GSS: variants seen among roughly 807,000 people sequenced by gnomAD.
GSS encodes GSH synthetase.
In GSS, 34 loss-of-function variants were observed where a neutral mutation model predicts 60.4. That is an observed-to-expected ratio of 0.56 (90% CI 0.43 to 0.75). The LOEUF (loss-of-function observed/expected upper bound fraction) is 0.75, where lower values mean the gene tolerates loss of function less well. Among genes scored for constraint, GSS ranks in the 30% least tolerant of loss-of-function variants. The pLI is 0.00. For synonymous variants in GSS, 224 were observed against 239.0 expected, an observed-to-expected ratio of 0.94 and a Z score of 0.58; for missense variants, 499 against 595.1, an observed-to-expected ratio of 0.84 and a Z score of 1.68.
intron 11 of GSS, 38 bp downstream of exon 11, chr20:34,931,298 C>T (rs756534564): frequency 1.3e-6 from 2 of 1,494,952 alleles, no homozygotes; most frequent in South Asian, 1.1e-5. Flanking sequence ...CTGCTAGTCC[C>T]TCTCATTGAG....
chr20:34,942,248 T>C (rs563392472), intron 5 of GSS, among the ~76,000 whole-genome samples: 7 of 152,142 alleles, frequency 4.6e-5, no homozygotes, highest in Non-Finnish European at 8.8e-5. Context: ...CTCAAGATAT[T>C]GTTCCCTCTG....
At chr20:34,953,235 G>C (rs900496514) in intron 1 of GSS, among the ~76,000 whole-genome samples, 5 of 152,196 alleles carry the variant, frequency 3.3e-5, no homozygotes, top group African/African-American at 7.2e-5. Flanking sequence ...CCAACTCAGT[G>C]GTCCCCAGGA....
At chr20:34,939,631 T>C (rs903310539) in intron 6 of GSS, among the ~76,000 whole-genome samples, 8 of 152,054 alleles carry the variant, frequency 5.3e-5, no homozygotes, top group African/African-American at 1.9e-4. Context: ...CTAATACTTG[T>C]CAAATGATAG....
intron 8 of GSS, among the ~76,000 whole-genome samples, chr20:34,936,357 G>T (rs978899020): frequency 6.6e-6 from 1 of 152,150 alleles, no homozygotes; most frequent in Non-Finnish European, 1.5e-5. Flanking sequence ...TAGAGAAAAG[G>T]ATAAGGCTTG....
chr20:34,935,287 A>G (rs1239433370), intron 9 of GSS, among the ~76,000 whole-genome samples: 1 of 152,262 alleles, frequency 6.6e-6, no homozygotes, highest in Admixed American at 6.5e-5. Flanking sequence ...ACTGGCTTAT[A>G]TCAACCAGTG....
chr20:34,954,724 T>C (rs1196788202), intron 1 of GSS: 5 of 153,666 alleles, frequency 3.3e-5, no homozygotes, highest in African/African-American at 4.8e-5. Context: ...ACCTTCAAAC[T>C]AGAATATCCA....
chr20:34,928,702 G>A lies in GSS; in HGVS notation c.*126C>T. ...TTTCTGGTCCTCAGATGGAAAGCTG[G>A]GGGAAGGTACCAGTATTTACCCTTC... On this transcript the variant is annotated 3_prime_UTR_variant, in exon 13 of 13. Transcript: ENST00000651619. 9.5e-7 allele frequency: 1 copy of A among 1,057,816 alleles called. No individual in the cohort carries two copies. 65.5% of individuals were successfully genotyped at this position (1,057,816 alleles called of 1,614,324 possible).
intron 3 of GSS, among the ~76,000 whole-genome samples, chr20:34,945,741 G>A (rs1156578607): frequency 6.6e-6 from 1 of 152,186 alleles, no homozygotes; most frequent in Non-Finnish European, 1.5e-5. Context: ...TAGGCCCAGA[G>A]AAGGAAAGGG....
chr20:34,945,004 T>C (rs7343400), intron 3 of GSS, among the ~76,000 whole-genome samples: 1 of 151,820 alleles, frequency 6.6e-6, no homozygotes, highest in Non-Finnish European at 1.5e-5. Flanking sequence ...TGAATATATA[T>C]ACATATATAT....
Position 34,936,896 on chromosome 20 carries a change from C to A in GSS, c.689+47G>T, listed in dbSNP as rs749829592. 10 of 1,603,256 alleles carry A rather than the reference C, an allele frequency of 6.2e-6. No homozygotes were observed. In the Admixed American group the frequency reaches 8.3e-5, roughly 13 times the overall value. ...TGGATGCTATGTTCTGAGTGCCCCA[C>A]CCCTAATCCTGGAGCCACACCTAGA... On this transcript the variant is annotated intron_variant, in intron 7 of 12. Transcript: ENST00000651619.
At position 34,928,482 on chromosome 20, in the gene GSS, C is replaced by A. The variant is rs1332362844; in HGVS notation, c.*346G>T. The A allele has an allele frequency of 7.3e-6, 3 of 412,504 alleles. No individual in the cohort carries two copies. The highest frequency in any genetic ancestry group is 6.1e-5 in the African/African-American group (3 of 49,584). 25.6% of individuals were successfully genotyped at this position (412,504 alleles called of 1,614,324 possible). A position where few individuals can be genotyped will look rare whatever the true frequency, so the allele number is the denominator to read the frequency against. ...AAGGCAGAATTAGGGAAAGGCTATG[C>A]CCCTCCACTCCCCCTCCTCCTACCA... On this transcript the variant is annotated 3_prime_UTR_variant, in exon 13 of 13. Transcript: ENST00000651619.
chr20:34,935,496 T>G, intron 9 of GSS, 80 bp downstream of exon 9: 1 of 952,302 alleles, frequency 1.1e-6, no homozygotes, highest in Non-Finnish European at 1.7e-6. Context: ...AAACCCAGGT[T>G]GTTATAAGCC....
chr20:34,930,497 T>G (rs1439010061), intron 11 of GSS, among the ~76,000 whole-genome samples: 1 of 152,144 alleles, frequency 6.6e-6, no homozygotes, highest in African/African-American at 2.4e-5. Flanking sequence ...TCTCTCCAGT[T>G]GGCCCCATAG....
chr20:34,953,577 CTTCT>C (rs772014112), intron 1 of GSS, among the ~76,000 whole-genome samples: 7 of 149,510 alleles, frequency 4.7e-5, no homozygotes, highest in East Asian at 3.9e-4. Context: ...TCCTTCCTTC[CTTCT>C]TTTTCTTTCT....
chr20:34,929,084 G>T, intron 12 of GSS, 133 bp from the exon 13 acceptor site: 1 of 1,081,384 alleles, frequency 9.2e-7, no homozygotes, highest in Non-Finnish European at 1.4e-6. Flanking sequence ...GAGTCTCTAT[G>T]CCTCTCTGGA....
At chr20:34,937,629 T>C (rs917794371) in intron 6 of GSS, among the ~76,000 whole-genome samples, 9 of 152,290 alleles carry the variant, frequency 5.9e-5, no homozygotes, top group Middle Eastern at 3.4e-3. Flanking sequence ...TTTGATCTCA[T>C]AGTATTAATG....
chr20:34,935,460 A>G, intron 9 of GSS, 116 bp downstream of exon 9: 1 of 778,154 alleles, frequency 1.3e-6, no homozygotes, highest in Admixed American at 1.8e-5. Flanking sequence ...AAGCTCCCTG[A>G]GAAAGAAGTG....
At chr20:34,933,760 G>A (rs2081420193) in intron 9 of GSS, 1 of 152,122 alleles carries the variant, frequency 6.6e-6, no homozygotes, top group Admixed American at 6.6e-5. Context: ...CCCCATTATG[G>A]TAGAAGCAGG....
At chr20:34,931,638 C>T in intron 10 of GSS, 1 of 641,704 alleles carries the variant, frequency 1.6e-6, no homozygotes, top group East Asian at 2.7e-5. Flanking sequence ...CAGCTCAGGG[C>T]TCTGCAGCAG....
Sources: allele counts gnomAD v4.1 joint callset (sites outside exome capture counted in the v4.1 genomes callset), GRCh38; gene constraint gnomAD v4.1.1; transcripts MANE v1.5; gene names NCBI Gene and HGNC (gene_info 2026-07-23, HGNC 2026-07-21).